Variants in FBXO4 observed in about 807,000 individuals in gnomAD.
FBXO4 encodes the protein F-box only protein 4.
In FBXO4, 36 loss-of-function variants were observed where a neutral mutation model predicts 43.7. That is an observed-to-expected ratio of 0.82 (90% CI 0.63 to 1.09). The LOEUF (loss-of-function observed/expected upper bound fraction) is 1.09, where lower values mean the gene tolerates loss of function less well. Ranked by LOEUF, FBXO4 falls within the 50% of genes least tolerant of loss-of-function variation. The pLI is 0.00. For synonymous variants in FBXO4, 180 were observed against 165.6 expected (o/e 1.09, Z -0.67); for missense variants, 435 against 474.1 (o/e 0.92, Z 0.77).
chr5:42,008,646 C>T, the FBXO4 span, among the ~76,000 whole-genome samples: 1 of 152,084 alleles, frequency 6.6e-6, no homozygotes, highest in South Asian at 2.1e-4. Flanking sequence ...TCTTTTAATC[C>T]TCCTGTCCAG....
chr5:41,976,082 A>T, the FBXO4 span, among the ~76,000 whole-genome samples: 2 of 152,190 alleles, frequency 1.3e-5, no homozygotes, highest in African/African-American at 4.8e-5. Context: ...GAACTCACTC[A>T]TCACCAGGGG....
chr5:41,992,228 T>A, the FBXO4 span, among the ~76,000 whole-genome samples: 3 of 152,212 alleles, frequency 2.0e-5, no homozygotes, highest in Non-Finnish European at 2.9e-5. Flanking sequence ...ACTAGTTGGT[T>A]TATTAAAACT....
chr5:41,996,345 A>G, the FBXO4 span, among the ~76,000 whole-genome samples: 4 of 152,216 alleles, frequency 2.6e-5, no homozygotes, highest in Non-Finnish European at 5.9e-5. Context: ...AGTTTCCACC[A>G]AAGCCCAGTA....
the FBXO4 span, among the ~76,000 whole-genome samples, chr5:41,955,036 A>G: frequency 6.6e-6 from 1 of 152,186 alleles, no homozygotes; most frequent in Admixed American, 6.5e-5. Flanking sequence ...AGGTGATCAC[A>G]GGGAATGCAG....
the FBXO4 span, among the ~76,000 whole-genome samples, chr5:42,019,597 A>C: frequency 6.6e-6 from 1 of 152,022 alleles, no homozygotes; most frequent in Admixed American, 6.6e-5. Context: ...TTGAGACAGC[A>C]GAATTGCTTG....
the FBXO4 span, among the ~76,000 whole-genome samples, chr5:42,027,105 C>A: frequency 1.3e-5 from 2 of 151,690 alleles, no homozygotes; most frequent in African/African-American, 4.8e-5. Flanking sequence ...TTTTTTGGAA[C>A]AGATTGAGTA....
chr5:41,950,426 AAAG>A, the FBXO4 span, among the ~76,000 whole-genome samples: 5 of 152,226 alleles, frequency 3.3e-5, no homozygotes, highest in African/African-American at 7.2e-5. Flanking sequence ...ACACTTCTCA[AAAG>A]AAGACATTTA....
At chr5:41,977,121 C>T in the FBXO4 span, among the ~76,000 whole-genome samples, 4 of 152,124 alleles carry the variant, frequency 2.6e-5, no homozygotes, top group Non-Finnish European at 4.4e-5. Flanking sequence ...CCCCCCAAAC[C>T]ATTCTTTCCT....
At chr5:41,932,793 G>T (rs1391244515) in intron 3 of FBXO4, among the ~76,000 whole-genome samples, 1 of 152,142 alleles carries the variant, frequency 6.6e-6, no homozygotes, top group Non-Finnish European at 1.5e-5. Context: ...GAACTGAACA[G>T]ATCTAGAAGA....
At chr5:42,033,722 T>A in the FBXO4 span, among the ~76,000 whole-genome samples, 189 of 152,358 alleles carry the variant, frequency 1.2e-3, no homozygotes, top group African/African-American at 4.5e-3. Context: ...ATTCTTTTTA[T>A]GGCTGCATAG....
At chr5:42,032,902 T>A in the FBXO4 span, among the ~76,000 whole-genome samples, 1 of 152,152 alleles carries the variant, frequency 6.6e-6, no homozygotes, top group African/African-American at 2.4e-5. Flanking sequence ...AGTGCCTGGG[T>A]ATCGCTGCTG....
chr5:42,018,892 T>C, the FBXO4 span, among the ~76,000 whole-genome samples: 1 of 152,158 alleles, frequency 6.6e-6, no homozygotes. Context: ...GGGAGAGAAA[T>C]GCTGCTAGGG....
chr5:41,988,812 G>C, the FBXO4 span, among the ~76,000 whole-genome samples: 1 of 152,014 alleles, frequency 6.6e-6, no homozygotes, highest in East Asian at 1.9e-4. Flanking sequence ...TGACTTTCAA[G>C]CTTCTTACAC....
the FBXO4 span, among the ~76,000 whole-genome samples, chr5:42,028,999 C>T: frequency 6.6e-6 from 1 of 151,818 alleles, no homozygotes; most frequent in Non-Finnish European, 1.5e-5. Flanking sequence ...AGTGTTATAA[C>T]AGTTTGTGTT....
At chr5:41,971,553 T>C in the FBXO4 span, among the ~76,000 whole-genome samples, 24 of 152,006 alleles carry the variant, frequency 1.6e-4, no homozygotes, top group African/African-American at 5.8e-4. Context: ...ATAATCTTCC[T>C]GGAAATAATG....
At chr5:42,020,579 G>T in the FBXO4 span, among the ~76,000 whole-genome samples, 1 of 152,162 alleles carries the variant, frequency 6.6e-6, no homozygotes, top group Non-Finnish European at 1.5e-5. Flanking sequence ...TTCACAGTCG[G>T]TGTGGTGTTA....
At chr5:41,926,478 C>T (rs984815389) in intron 1 of FBXO4, among the ~76,000 whole-genome samples, 1 of 152,172 alleles carries the variant, frequency 6.6e-6, no homozygotes, top group African/African-American at 2.4e-5. Flanking sequence ...GAGGCTGAGG[C>T]AGGAGCATGG....
At chr5:42,017,588 C>A in the FBXO4 span, among the ~76,000 whole-genome samples, 1 of 144,626 alleles carries the variant, frequency 6.9e-6, no homozygotes, top group Non-Finnish European at 1.5e-5. Flanking sequence ...CCTTGTCCCC[C>A]TCTTTCCTGC....
chr5:42,015,609 A>G, the FBXO4 span, among the ~76,000 whole-genome samples: 1 of 152,156 alleles, frequency 6.6e-6, no homozygotes, highest in African/African-American at 2.4e-5. Context: ...CCAAATGTCA[A>G]CTCTACCACA....
Sources: gnomAD v4.1 joint callset for allele counts (sites outside exome capture counted in the v4.1 genomes callset) on GRCh38, gnomAD v4.1.1 for gene constraint, MANE v1.5 for transcripts, NCBI Gene and HGNC (gene_info 2026-07-23, HGNC 2026-07-21) for gene names.